DMBT1: variants seen among roughly 807,000 people sequenced by gnomAD.
DMBT1 encodes the protein deleted in malignant brain tumors 1.
Under a neutral mutation model 252.9 loss-of-function variants are expected in DMBT1, and 198 were observed. The observed-to-expected ratio is 0.78, with a 90% confidence interval of 0.70 to 0.88. The LOEUF (loss-of-function observed/expected upper bound fraction) is 0.88. DMBT1 is among the 40% of genes least tolerant of loss of function. DMBT1 has a pLI of 0.00. For synonymous variants in DMBT1, 990 were observed against 942.7 expected (o/e 1.05, Z -0.92); for missense variants, 2,432 against 2,404.7 (o/e 1.01, Z -0.24).
At chr10:122,586,614 A>G (rs2097792093) in intron 16 of DMBT1, among the ~76,000 whole-genome samples, 1 of 148,422 alleles carries the variant, frequency 6.7e-6, no homozygotes, top group Non-Finnish European at 1.5e-5. Context: ...TTGTTCCCCT[A>G]CTGAGGCAGC....
chr10:122,618,222 C>T lies in DMBT1; in HGVS notation c.5097C>T (p.Pro1699=), dbSNP rs2098018897. 3 of 1,613,788 alleles carry T rather than the reference C, an allele frequency of 1.9e-6. No homozygotes were observed. Among genetic ancestry groups the T allele is most frequent in the African/African-American group, 2.7e-5 (2 of 75,026 alleles). Residue 1699 remains proline, a synonymous_variant, in exon 41 of 56, where the codon CCC becomes CCT. Transcript: ENST00000338354. Reference sequence around the variant, plus strand: ...CCCAGTTTGGCCAGGGCTCAGGACCCATTGTCCTGGATGATGTGCGCTGCT... The same window carrying T: ...CCCAGTTTGGCCAGGGCTCAGGACCTATTGTCCTGGATGATGTGCGCTGCT... The part of the protein sequence containing the change: ...GNAQFGQGSG[P]IVLDDVRCSG...
rs201493672 is a variant in DMBT1 at position 122,642,186 on chromosome 10, C to A, written c.7353-936C>A. ...AAGGGAGCTACTGTGAAAAAAAAAA[C>A]AAAAACAAAAAAGAAAACTTGGTAT... is the stretch of plus-strand genomic sequence containing the variant. On this transcript the variant is annotated intron_variant, in intron 55 of 55. Coordinates refer to ENST00000338354, the MANE Select transcript of DMBT1 (RefSeq NM_001377530.1). 3.8e-5 allele frequency among the ~76,000 whole-genome samples: 5 copies of A among 130,892 alleles called. No homozygotes were observed. In the East Asian group the frequency reaches 7.7e-4, roughly 20 times the overall value. 85.9% of individuals were successfully genotyped at this position (130,892 alleles called of 152,430 possible). A position where few individuals can be genotyped will look rare whatever the true frequency, so the allele number is the denominator to read the frequency against.
chr10:122,622,199 A>G (rs903110128), intron 44 of DMBT1, among the ~76,000 whole-genome samples: 3 of 152,138 alleles, frequency 2.0e-5, no homozygotes. Context: ...GCGTCTTTGA[A>G]TCCAGCCAAA....
At chr10:122,588,130 T>C (rs1321098923) in intron 16 of DMBT1, among the ~76,000 whole-genome samples, 1 of 148,728 alleles carries the variant, frequency 6.7e-6, no homozygotes, top group Non-Finnish European at 1.5e-5. Flanking sequence ...TAAAGACACG[T>C]TGCCGACCAC....
At chr10:122,630,069 C>T (rs2098148977) in intron 47 of DMBT1, 76 bp downstream of exon 47, 2 of 1,576,498 alleles carry the variant, frequency 1.3e-6, no homozygotes, top group Non-Finnish European at 1.7e-6. Context: ...GTGTCCTGGG[C>T]TGGGATGCTT....
intron 46 of DMBT1, among the ~76,000 whole-genome samples, chr10:122,626,203 G>A (rs2098117873): frequency 6.6e-6 from 1 of 152,178 alleles, no homozygotes; most frequent in African/African-American, 2.4e-5. Context: ...AGGAAGAAGG[G>A]AGACAAATAG....
At chr10:122,599,165 C>T in intron 26 of DMBT1, 68 bp downstream of exon 26, 1 of 1,609,578 alleles carries the variant, frequency 6.2e-7, no homozygotes, top group Non-Finnish European at 8.5e-7. Context: ...CTCCTAATTA[C>T]ATTCTGATCT....
rs759248480 is a variant in DMBT1 at position 122,598,972 on chromosome 10, C to G, written c.3155C>G (p.Ser1052Ter). The G allele has an allele frequency of 5.0e-6, 8 of 1,613,760 alleles. No individual in the cohort carries two copies. In the South Asian group the frequency reaches 8.8e-5, roughly 18 times the overall value. Residue 1052 changes from serine (S) to a stop codon, truncating the protein, a stop_gained, in exon 26 of 56, where the codon TCA becomes TGA. Coordinates refer to ENST00000338354, the MANE Select transcript of DMBT1 (RefSeq NM_001377530.1). LOFTEE classifies it high-confidence loss of function. The stretch of plus-strand genomic sequence containing the variant: ...GGAAATGCCCGGTTTGGTCAGGGCT[C>G]AGGACCCATTGTCCTGGATGATGTG... ...APGNARFGQG[S>*]GPIVLDDVRC...
chr10:122,641,807 C>A (rs1404808009), intron 55 of DMBT1, among the ~76,000 whole-genome samples: 1 of 152,082 alleles, frequency 6.6e-6, no homozygotes, highest in Non-Finnish European at 1.5e-5. Flanking sequence ...CCTGGCTATA[C>A]CTGGAGCACA....
intron 52 of DMBT1, among the ~76,000 whole-genome samples, chr10:122,633,650 C>T (rs967954762): frequency 2.6e-5 from 4 of 152,154 alleles, no homozygotes; most frequent in African/African-American, 9.7e-5. Context: ...TTTCCTGAGC[C>T]TCAGTCAAAA....
chr10:122,575,516 T>G (rs528285324), intron 6 of DMBT1, among the ~76,000 whole-genome samples: 25 of 151,976 alleles, frequency 1.6e-4, no homozygotes, highest in Non-Finnish European at 2.9e-4. Flanking sequence ...TATTTTCTGG[T>G]TTTTTTTGGG....
At chr10:122,629,774 A>T in intron 46 of DMBT1, 66 bp from the exon 47 acceptor site, 1 of 1,564,672 alleles carries the variant, frequency 6.4e-7, no homozygotes, top group Non-Finnish European at 8.7e-7. Flanking sequence ...ACTTACACAG[A>T]TGATTCCTTG....
intron 40 of DMBT1, 29 bp from the exon 41 acceptor site, chr10:122,617,988 G>A (rs965630959): frequency 3.1e-6 from 5 of 1,610,964 alleles, no homozygotes; most frequent in East Asian, 2.2e-5. Context: ...TGGTGGGGAT[G>A]GATGAAGGGT....
At position 122,630,944 on chromosome 10, in the gene DMBT1, G is replaced by C. The variant is rs1325834276; in HGVS notation, c.6026-17G>C. 1.3e-6 allele frequency: 2 copies of C among 1,582,204 alleles called. No homozygotes were observed. Among genetic ancestry groups the C allele is most frequent in the Admixed American group, 1.7e-5 (1 of 58,934 alleles). On this transcript the variant is annotated splice_polypyrimidine_tract_variant and intron_variant, in intron 48 of 55. Coordinates refer to ENST00000338354, the MANE Select transcript of DMBT1 (RefSeq NM_001377530.1). ...TGTGGGACATGGCCATGATCTCTCAGTTAATGTGTCTTTCAGATGCCACCT... is the reference window on the plus strand; with the variant it reads ...TGTGGGACATGGCCATGATCTCTCACTTAATGTGTCTTTCAGATGCCACCT...
In DMBT1 at chr10:122,630,335, A is replaced by C; in HGVS notation, c.5870A>C (p.Asp1957Ala). ...AGTTTTGATTATGTTGAAATCTTTGATGGATCATTGAATAGCAGTCTCCTG... is the reference window on the plus strand; with the variant it reads ...AGTTTTGATTATGTTGAAATCTTTGCTGGATCATTGAATAGCAGTCTCCTG... ...NCSFDYVEIFDGSLNSSLLLG... is the reference protein window; with the variant it reads ...NCSFDYVEIFAGSLNSSLLLG... Residue 1957 changes from aspartate to alanine, a missense_variant, in exon 48 of 56, where the codon GAT becomes GCT. Around this residue, in one of 3 missense-constraint regions of DMBT1, gnomAD observed 1,162 missense variants for 1,169.0 expected, o/e 0.99. Transcript: ENST00000338354. The C allele has an allele frequency of 6.2e-7, 1 of 1,614,010 alleles. No homozygotes were observed. Among genetic ancestry groups the C allele is most frequent in the Non-Finnish European group, 8.5e-7 (1 of 1,179,888 alleles).
rs2097753661 is a variant in DMBT1 at position 122,579,975 on chromosome 10, G to T, written c.1003+74G>T. On this transcript the variant is annotated intron_variant, in intron 10 of 55. Transcript: ENST00000338354. Reference sequence around the variant, plus strand: ...CAAAAGAAACTCCTAATTACATTCTGATCTCCTCACTCAAAGCTTCTATGT... The same window carrying T: ...CAAAAGAAACTCCTAATTACATTCTTATCTCCTCACTCAAAGCTTCTATGT... 1.9e-6 allele frequency: 3 copies of T among 1,605,326 alleles called. No individual in the cohort carries two copies. In the Admixed American group the frequency reaches 5.1e-5, roughly 27 times the overall value.
Position 122,618,481 on chromosome 10 carries a change from A to G in DMBT1, c.5215+141A>G, listed in dbSNP as rs533408301. Reference sequence around the variant, plus strand: ...GAAGTCTTGTTAGCTCTCTGCTAAGAATCTTTATGAATTTTGCTACAGTAC... The same window carrying G: ...GAAGTCTTGTTAGCTCTCTGCTAAGGATCTTTATGAATTTTGCTACAGTAC... On this transcript the variant is annotated intron_variant, in intron 41 of 55. Coordinates refer to ENST00000338354, the MANE Select transcript of DMBT1 (RefSeq NM_001377530.1). 1.4e-5 allele frequency: 21 copies of G among 1,478,202 alleles called. No homozygotes were observed. In the African/African-American group the frequency reaches 2.7e-4, roughly 19 times the overall value. The allele number at this position is 1,478,202 out of a possible 1,614,324, so 91.6% of individuals were successfully genotyped here.
In DMBT1 at chr10:122,640,053, C is replaced by T. The variant is rs762727515; in HGVS notation, c.6956C>T (p.Thr2319Ile). The change falls in exon 55 of 56, where the codon ACC becomes ATC. Residue 2319 changes from threonine to isoleucine, a missense_variant. Transcript: ENST00000338354. ...CGTFKQADND[T>I]IDYSNFLTAA... Reference sequence around the variant, plus strand: ...TGCCTCTCCTAGGCAGACAATGACACCATCGACTATTCCAACTTCCTCACA... The same window carrying T: ...TGCCTCTCCTAGGCAGACAATGACATCATCGACTATTCCAACTTCCTCACA... 1.9e-6 allele frequency: 3 copies of T among 1,613,768 alleles called. No homozygotes were observed. The highest frequency in any genetic ancestry group is 1.7e-4 in the Middle Eastern group (1 of 6,060).
At chr10:122,587,617 A>G (rs1212028679) in intron 16 of DMBT1, among the ~76,000 whole-genome samples, 1 of 148,218 alleles carries the variant, frequency 6.7e-6, no homozygotes, top group East Asian at 2.1e-4. Flanking sequence ...TTTTGTGTCA[A>G]CCTGATTACT....
Sources: gnomAD v4.1 joint callset for allele counts (sites outside exome capture counted in the v4.1 genomes callset) on GRCh38, gnomAD v4.1.1 for gene constraint, gnomAD v4.1.1 regional missense constraint, MANE v1.5 for transcripts, NCBI Gene and HGNC (gene_info 2026-07-23, HGNC 2026-07-21) for gene names.